DPP10: variants seen among roughly 807,000 people sequenced by gnomAD.
DPP10 encodes the protein inactive dipeptidyl peptidase 10.
Under a neutral mutation model 120.9 loss-of-function variants are expected in DPP10, and 33 were observed. The ratio of observed to expected loss-of-function variants is 0.27; its 90% confidence interval spans 0.21 to 0.37. The LOEUF (loss-of-function observed/expected upper bound fraction) is 0.37. DPP10 is among the 10% of genes least tolerant of loss of function. The pLI is 1.00. For synonymous variants in DPP10, 337 were observed against 326.1 expected (o/e 1.03, Z -0.36); for missense variants, 816 against 942.8 (o/e 0.87, Z 1.76).
chr2:115,544,303 A>G lies in DPP10; in HGVS notation c.441+18331A>G, dbSNP rs1016822011. Reference sequence around the variant, plus strand: ...TATAGTTTTAATTTCTTGTTTTTACATATAAACCTCCTGGGCTACCTTCAG... The same window carrying G: ...TATAGTTTTAATTTCTTGTTTTTACGTATAAACCTCCTGGGCTACCTTCAG... On this transcript the variant is annotated intron_variant, in intron 5 of 25. Transcript: ENST00000410059. Among the ~76,000 whole-genome samples the G allele has an allele frequency of 3.9e-5, 6 of 152,076 alleles. 1 individual carries two copies. The highest frequency in any genetic ancestry group is 7.4e-5 in the Non-Finnish European group (5 of 67,972).
At chr2:114,692,115 T>C (rs1244684132) in intron 1 of DPP10, among the ~76,000 whole-genome samples, 1 of 151,876 alleles carries the variant, frequency 6.6e-6, no homozygotes, top group Non-Finnish European at 1.5e-5. Flanking sequence ...TTATTTCTTG[T>C]CTTTTCCAGC....
chr2:115,348,332 T>A (rs988978120), intron 3 of DPP10, among the ~76,000 whole-genome samples: 7 of 152,202 alleles, frequency 4.6e-5, no homozygotes, highest in Admixed American at 6.6e-5. Context: ...GATCATGATC[T>A]AGAAAAGTGA....
intron 1 of DPP10, chr2:115,162,346 G>C (rs1430093929): frequency 7.0e-7 from 1 of 1,422,162 alleles, no homozygotes; most frequent in African/African-American, 1.5e-5. Context: ...CGGGACCAAG[G>C]AATGGGGCCT....
chr2:114,449,256 G>T (rs760234214), intron 1 of DPP10, among the ~76,000 whole-genome samples: 1 of 152,086 alleles, frequency 6.6e-6, no homozygotes, highest in Non-Finnish European at 1.5e-5. Flanking sequence ...TTGGCCCGTA[G>T]ATATGTGCCA....
At chr2:115,537,036 G>A (rs1332097531) in intron 5 of DPP10, among the ~76,000 whole-genome samples, 1 of 151,954 alleles carries the variant, frequency 6.6e-6, no homozygotes. Context: ...AAAACATAAT[G>A]GAGTCATCAT....
chr2:115,433,729 GT>G (rs1329236517), intron 3 of DPP10, among the ~76,000 whole-genome samples: 2 of 151,942 alleles, frequency 1.3e-5, no homozygotes, highest in African/African-American at 4.8e-5. Context: ...TTCTCCTGGA[GT>G]TTTTTAAAAA....
intron 5 of DPP10, among the ~76,000 whole-genome samples, chr2:115,663,087 A>C (rs1239056290): frequency 6.6e-6 from 1 of 152,120 alleles, no homozygotes; most frequent in Non-Finnish European, 1.5e-5. Flanking sequence ...GCGGTGTGAA[A>C]TAAGCACATC....
intron 1 of DPP10, among the ~76,000 whole-genome samples, chr2:114,968,203 T>C (rs911520281): frequency 6.6e-6 from 1 of 152,242 alleles, no homozygotes; most frequent in African/African-American, 2.4e-5. Flanking sequence ...AATATCTTCA[T>C]GTCTTAGCCT....
chr2:115,453,178 T>G (rs2073252435), intron 3 of DPP10, among the ~76,000 whole-genome samples: 1 of 151,520 alleles, frequency 6.6e-6, no homozygotes, highest in Non-Finnish European at 1.5e-5. Flanking sequence ...AAGATATTCT[T>G]GAGTAGTTAT....
intron 3 of DPP10, among the ~76,000 whole-genome samples, chr2:115,361,061 T>C (rs143622662): frequency 1.3e-5 from 2 of 152,210 alleles, no homozygotes; most frequent in East Asian, 3.9e-4. Flanking sequence ...TGCTTGTCTG[T>C]TAGGTGCTGC....
intron 1 of DPP10, among the ~76,000 whole-genome samples, chr2:114,783,170 G>A (rs1043870071): frequency 6.6e-6 from 1 of 152,200 alleles, no homozygotes; most frequent in Middle Eastern, 3.4e-3. Flanking sequence ...GTAAACAAGT[G>A]TTGAAAAGAT....
chr2:115,527,217 C>T (rs2078183628), intron 5 of DPP10, among the ~76,000 whole-genome samples: 1 of 151,992 alleles, frequency 6.6e-6, no homozygotes. Flanking sequence ...AGAAATAGAC[C>T]CTCACAACTA....
chr2:114,806,404 G>C (rs575068042), intron 1 of DPP10, among the ~76,000 whole-genome samples: 1 of 152,282 alleles, frequency 6.6e-6, no homozygotes, highest in South Asian at 2.1e-4. Context: ...TACAATTTTA[G>C]AATCCAAGCC....
intron 1 of DPP10, among the ~76,000 whole-genome samples, chr2:114,504,946 G>A (rs1683505570): frequency 6.6e-6 from 1 of 151,230 alleles, no homozygotes; most frequent in South Asian, 2.1e-4. Flanking sequence ...CAGCTACTCG[G>A]GAGGCTGACT....
At chr2:115,233,426 T>C (rs765400527) in intron 1 of DPP10, among the ~76,000 whole-genome samples, 2 of 152,140 alleles carry the variant, frequency 1.3e-5, no homozygotes, top group Admixed American at 6.5e-5. Context: ...TGCAGTCCCG[T>C]GTGTGATTAT....
chr2:115,540,133 G>GC (rs1439721839), intron 5 of DPP10, among the ~76,000 whole-genome samples: 2 of 151,782 alleles, frequency 1.3e-5, no homozygotes, highest in Non-Finnish European at 2.9e-5. Context: ...AAAGACCTTG[G>GC]CCAGAAAATG....
intron 1 of DPP10, among the ~76,000 whole-genome samples, chr2:115,028,504 G>C (rs1217631785): frequency 6.6e-6 from 1 of 152,058 alleles, no homozygotes; most frequent in Non-Finnish European, 1.5e-5. Flanking sequence ...TTTGAGGCCT[G>C]ATACATGGTC....
At chr2:115,533,986 G>C (rs1284753940) in intron 5 of DPP10, among the ~76,000 whole-genome samples, 2 of 152,032 alleles carry the variant, frequency 1.3e-5, no homozygotes, top group Non-Finnish European at 2.9e-5. Flanking sequence ...AGGAAGGAAA[G>C]AAGTAAACAC....
At chr2:115,488,937 C>G (rs898822386) in intron 3 of DPP10, among the ~76,000 whole-genome samples, 1 of 139,660 alleles carries the variant, frequency 7.2e-6, no homozygotes, top group Non-Finnish European at 1.6e-5. Flanking sequence ...AACAAACAAA[C>G]AAAGAAACAA....
Sources: allele counts gnomAD v4.1 joint callset (sites outside exome capture counted in the v4.1 genomes callset), GRCh38; gene constraint gnomAD v4.1.1; transcripts MANE v1.5; gene names NCBI Gene and HGNC (gene_info 2026-07-23, HGNC 2026-07-21).